Variants in LYG2 observed in about 807,000 individuals in gnomAD.
LYG2 encodes lysozyme g-like protein 2.
A neutral mutation model predicts 22.4 loss-of-function variants in LYG2; 25 were observed. The observed-to-expected ratio is 1.12, with a 90% CI of 0.81 to 1.56. The LOEUF is 1.56. Among genes scored for constraint, LYG2 ranks in the 40% most tolerant of loss-of-function variants. The probability of loss-of-function intolerance (pLI) is 0.00; values close to 1 mark genes in which losing one functional copy is unlikely to be tolerated. For missense variants in LYG2, 266 were observed against 269.5 expected (o/e 0.99, Z 0.09); for synonymous variants, 88 against 97.0 (o/e 0.91, Z 0.55).
At chr2:99,254,098 G>T in intron 3 of LYG2, 120 bp downstream of exon 3, 1 of 874,646 alleles carries the variant, frequency 1.1e-6, no homozygotes, top group Non-Finnish European at 1.9e-6. Context: ...TGGCCAAGCT[G>T]GTCAGAATGA....
In LYG2 at chr2:99,245,350, A is replaced by G; in HGVS notation, c.293T>C (p.Ile98Thr). 6.2e-7 allele frequency: 1 copy of G among 1,613,440 alleles called. No individual in the cohort carries two copies. Among genetic ancestry groups the G allele is most frequent in the Non-Finnish European group, 8.5e-7 (1 of 1,179,656 alleles). Residue 98 changes from isoleucine to threonine, a missense_variant, in exon 5 of 7, where the codon ATC becomes ACC. Ile to Thr is a moderately conservative substitution (Grantham distance 89). Coordinates refer to ENST00000333017, the MANE Select transcript of LYG2 (RefSeq NM_175735.4). ...GCTTTCCCTGGAGATGATGGCTGCG[A>G]TGACAGCAGGGTCCACGCAATGTCT... ...GQRHCVDPAV[I>T]AAIISRESHG...
At chr2:99,256,790 T>A (rs934511343), upstream of LYG2, among the ~76,000 whole-genome samples, 1 of 152,220 alleles carries the variant, frequency 6.6e-6, no homozygotes, top group Non-Finnish European at 1.5e-5. Flanking sequence ...CAAAATTGTT[T>A]TCAAACTGAT....
chr2:99,257,395 C>T, upstream of LYG2, among the ~76,000 whole-genome samples: 1 of 152,194 alleles, frequency 6.6e-6, no homozygotes, highest in East Asian at 1.9e-4. Flanking sequence ...TGAAGCCTAA[C>T]TCTTAACTGC....
Position 99,242,426 on chromosome 2 carries a change from C to T in LYG2, c.577G>A (p.Asp193Asn). Residue 193 changes from aspartate to asparagine, a missense_variant, in exon 7 of 7, where the codon GAC (aspartate) becomes AAC (asparagine). Asp to Asn is a conservative substitution (Grantham distance 23, BLOSUM62 1). Coordinates refer to ENST00000333017, the MANE Select transcript of LYG2 (RefSeq NM_175735.4). ...ATGATATCATTGACGAAGTCATTGT[C>T]TATGTCCGATGGGGTGGCAATCGCT... is the stretch of plus-strand genomic sequence containing the variant. ...IEAIATPSDI[D>N]NDFVNDIIAR... is the part of the protein sequence containing the mutation. 1 of 1,613,772 alleles carries T rather than the reference C, an allele frequency of 6.2e-7. No individual in the cohort carries two copies. The highest frequency in any genetic ancestry group is 8.5e-7 in the Non-Finnish European group (1 of 1,179,818).
chr2:99,259,138 G>T (rs904914848), upstream of LYG2, among the ~76,000 whole-genome samples: 11 of 151,442 alleles, frequency 7.3e-5, no homozygotes. Context: ...TTGTAGTACT[G>T]TTCAGCAGTT....
intron 5 of LYG2, among the ~76,000 whole-genome samples, chr2:99,244,357 C>CA (rs201550613): frequency 3.5e-4 from 52 of 148,512 alleles, no homozygotes; most frequent in Non-Finnish European, 5.4e-4. Context: ...TTCTAATATA[C>CA]AAAAAAAAAA....
At chr2:99,245,682 A>C (rs2094014916) in intron 4 of LYG2, among the ~76,000 whole-genome samples, 1 of 152,082 alleles carries the variant, frequency 6.6e-6, no homozygotes, top group South Asian at 2.1e-4. Context: ...TCAGAAGAAA[A>C]CCATTTTTAA....
At chr2:99,247,171 C>T (rs779681366) in intron 3 of LYG2, among the ~76,000 whole-genome samples, 3 of 152,042 alleles carry the variant, frequency 2.0e-5, no homozygotes, top group Admixed American at 6.6e-5. Flanking sequence ...TAGCTCGCTG[C>T]AGGCACCAAC....
At chr2:99,250,557 G>T (rs1053705081) in intron 3 of LYG2, among the ~76,000 whole-genome samples, 2 of 152,070 alleles carry the variant, frequency 1.3e-5, no homozygotes, top group Non-Finnish European at 2.9e-5. Flanking sequence ...TGTATTTTTA[G>T]TAGAGGCGGG....
upstream of LYG2, among the ~76,000 whole-genome samples, chr2:99,257,066 G>A (rs1015376084): frequency 9.9e-5 from 15 of 152,262 alleles, no homozygotes; most frequent in South Asian, 2.9e-3. Context: ...CCACTGTATC[G>A]AAGTGCCAGC....
At chr2:99,258,661 T>C (rs1482429153), upstream of LYG2, among the ~76,000 whole-genome samples, 2 of 152,136 alleles carry the variant, frequency 1.3e-5, no homozygotes, top group Non-Finnish European at 2.9e-5. Context: ...CCCAAGAATA[T>C]GTGGCAAAGG....
intron 6 of LYG2, chr2:99,243,420 A>G: frequency 1.9e-6 from 3 of 1,550,024 alleles, no homozygotes; most frequent in Non-Finnish European, 2.6e-6. Context: ...ACAGAGTAAC[A>G]TTGTTCAGAC....
upstream of LYG2, among the ~76,000 whole-genome samples, chr2:99,256,351 A>G (rs1294876739): frequency 1.3e-5 from 2 of 152,208 alleles, no homozygotes; most frequent in African/African-American, 4.8e-5. Context: ...CTCTCAGGAA[A>G]GTGACCCATG....
upstream of LYG2, among the ~76,000 whole-genome samples, chr2:99,257,187 C>T (rs1347126691): frequency 3.3e-5 from 5 of 152,208 alleles, no homozygotes; most frequent in African/African-American, 1.2e-4. Flanking sequence ...GATTTTTATA[C>T]CACTATCTGT....
intron 6 of LYG2, among the ~76,000 whole-genome samples, chr2:99,242,706 T>C (rs1431344040): frequency 6.6e-6 from 1 of 152,208 alleles, no homozygotes; most frequent in East Asian, 1.9e-4. Flanking sequence ...GTTTTTCTTG[T>C]TGCAAAAATC....
At chr2:99,259,213 G>GA (rs34539986), upstream of LYG2, among the ~76,000 whole-genome samples, 28 of 146,274 alleles carry the variant, frequency 1.9e-4, no homozygotes, top group African/African-American at 4.8e-4. Context: ...CAAGAGCAAT[G>GA]AAAAAAAAAA....
chr2:99,250,632 C>T (rs2094024886), intron 3 of LYG2, among the ~76,000 whole-genome samples: 1 of 152,152 alleles, frequency 6.6e-6, no homozygotes, highest in African/African-American at 2.4e-5. Flanking sequence ...CCTTGGCCTC[C>T]CAAAGTGCTG....
upstream of LYG2, among the ~76,000 whole-genome samples, chr2:99,256,028 C>G (rs77451321): frequency 2.9e-3 from 438 of 152,300 alleles, 2 homozygotes; most frequent in African/African-American, 9.9e-3. Context: ...GGTCCTTCCA[C>G]AAGCGTGTCC....
rs563468891 is a variant in LYG2, at chr2:99,243,880, G to A, written c.520+119C>T. The A allele has an allele frequency of 6.8e-6, 8 of 1,170,058 alleles. 1 individual carries two copies. In the South Asian group the frequency reaches 9.8e-5, roughly 14 times the overall value. 72.5% of individuals were successfully genotyped at this position (1,170,058 alleles called of 1,614,324 possible). A position where few individuals can be genotyped will look rare whatever the true frequency, so the allele number is the denominator to read the frequency against. ...GGAATGCAAATGCAGCCTCTAGACA[G>A]CTCCTCCCAGGGCCACTGCTGACCC... On this transcript the variant is annotated intron_variant, in intron 6 of 6. Transcript: ENST00000333017.
Sources: allele counts gnomAD v4.1 joint callset (sites outside exome capture counted in the v4.1 genomes callset), GRCh38; gene constraint gnomAD v4.1.1; transcripts MANE v1.5; gene names NCBI Gene and HGNC (gene_info 2026-07-23, HGNC 2026-07-21).